Variants in PLPP7 observed in about 807,000 individuals in gnomAD.
PLPP7 encodes inactive phospholipid phosphatase 7.
Under a neutral mutation model 16.9 loss-of-function variants are expected in PLPP7, and 11 were observed. That is an observed-to-expected ratio of 0.65 (90% CI 0.41 to 1.08). PLPP7 has a LOEUF of 1.08. Ranked by LOEUF, PLPP7 falls within the 50% of genes least tolerant of loss-of-function variation. The pLI, the probability that PLPP7 is intolerant of heterozygous loss-of-function variation, is 0.00. For missense variants in PLPP7, 358 were observed against 397.1 expected (o/e 0.90, Z 0.84); for synonymous variants, 174 against 175.1 (o/e 0.99, Z 0.05).
At chr9:131,291,894 C>T (rs1470479629) in intron 1 of PLPP7, among the ~76,000 whole-genome samples, 1 of 152,182 alleles carries the variant, frequency 6.6e-6, no homozygotes, top group East Asian at 1.9e-4. Flanking sequence ...TTTTCTTGTT[C>T]TTATTACTAA....
chr9:131,291,516 A>G (rs1564245258), intron 1 of PLPP7: 1 of 625,326 alleles, frequency 1.6e-6, no homozygotes, highest in Non-Finnish European at 2.0e-6. Flanking sequence ...TACTTCATGC[A>G]GGAGATGGCT....
intron 1 of PLPP7, among the ~76,000 whole-genome samples, chr9:131,299,520 G>T (rs1835772962): frequency 6.6e-6 from 1 of 152,186 alleles, no homozygotes; most frequent in Non-Finnish European, 1.5e-5. Flanking sequence ...GGCCCTGCAG[G>T]GGCAGCAGGA....
At position 131,308,418 on chromosome 9, in the gene PLPP7, C is replaced by G; in HGVS notation, c.*131C>G. On this transcript the variant is annotated 3_prime_UTR_variant, in exon 2 of 2. Transcript: ENST00000372264. ...AGAGCGGCCACCCCCACCTCATCTT[C>G]CCCTCCTGGCTGGAGGCTGGCGAAC... is the stretch of plus-strand genomic sequence containing the variant. The G allele has an allele frequency of 7.2e-7, 1 of 1,388,906 alleles. No homozygotes were observed. Among genetic ancestry groups the G allele is most frequent in the Non-Finnish European group, 9.5e-7 (1 of 1,056,994 alleles). The allele number at this position is 1,388,906 out of a possible 1,614,324, so 86.0% of individuals were successfully genotyped here.
intron 1 of PLPP7, among the ~76,000 whole-genome samples, chr9:131,291,829 G>T (rs951287079): frequency 6.6e-6 from 1 of 152,110 alleles, no homozygotes; most frequent in Non-Finnish European, 1.5e-5. Context: ...TGATCCACCC[G>T]CCTTGGCCTC....
intron 1 of PLPP7, among the ~76,000 whole-genome samples, chr9:131,299,140 C>T (rs1180287629): frequency 6.6e-6 from 1 of 152,232 alleles, no homozygotes; most frequent in Non-Finnish European, 1.5e-5. Context: ...CGAGGTTTTG[C>T]TGTCCACAAG....
At chr9:131,291,032 G>A (rs1835669472) in intron 1 of PLPP7, 5 of 1,356,166 alleles carry the variant, frequency 3.7e-6, no homozygotes, top group Non-Finnish European at 4.0e-6. Context: ...CCTTCCCAGG[G>A]GGAGTCACTG....
intron 1 of PLPP7, among the ~76,000 whole-genome samples, chr9:131,299,494 C>T (rs567840): frequency 0.67 from 101,858 of 151,810 alleles, 35,025 homozygotes; most frequent in Middle Eastern, 0.78. Flanking sequence ...CCTGGCTGCG[C>T]TGGAGGAGGA....
Position 131,291,301 on chromosome 9 carries a change from A to ACATG in PLPP7, c.451+853_451+854insCATG, listed in dbSNP as rs1000846446. 3.3e-6 allele frequency: 4 copies of ACATG among 1,230,510 alleles called. No individual in the cohort carries two copies. In the African/African-American group the frequency reaches 6.2e-5, roughly 19 times the overall value. The allele number at this position is 1,230,510 out of a possible 1,614,324, so 76.2% of individuals were successfully genotyped here. A position where few individuals can be genotyped will look rare whatever the true frequency, so the allele number is the denominator to read the frequency against. ...TTTCCTTGTCTTTCCCGGTGTGGCC[A>ACATG]TCATTTGAGGGACATGTGAGGTGGA... On this transcript the variant is annotated intron_variant, in intron 1 of 1. Coordinates refer to ENST00000372264, the MANE Select transcript of PLPP7 (RefSeq NM_032728.4).
chr9:131,307,312 G>A (rs1835864299), intron 1 of PLPP7, among the ~76,000 whole-genome samples: 1 of 151,450 alleles, frequency 6.6e-6, no homozygotes, highest in South Asian at 2.1e-4. Context: ...AGCACAATGG[G>A]AGGCTGAGGC....
intron 1 of PLPP7, among the ~76,000 whole-genome samples, chr9:131,296,268 G>C (rs903514844): frequency 6.6e-6 from 1 of 152,032 alleles, no homozygotes; most frequent in African/African-American, 2.4e-5. Context: ...GGGGGTTTTA[G>C]TTTGTTTGTT....
intron 1 of PLPP7, among the ~76,000 whole-genome samples, chr9:131,303,613 C>G (rs1022245692): frequency 5.3e-5 from 8 of 152,110 alleles, no homozygotes; most frequent in African/African-American, 1.9e-4. Context: ...GTCATAACCC[C>G]CCACCTTTAT....
chr9:131,294,487 A>C (rs1011960569), intron 1 of PLPP7, among the ~76,000 whole-genome samples: 2 of 152,032 alleles, frequency 1.3e-5, no homozygotes, highest in African/African-American at 2.4e-5. Flanking sequence ...CTCCCTCCCG[A>C]GCAGCACCCA....
In PLPP7 at chr9:131,291,325, G is replaced by A. The variant is rs145169450; in HGVS notation, c.451+877G>A. 8.9e-5 allele frequency: 106 copies of A among 1,197,608 alleles called. 1 individual carries two copies. The East Asian group carries it at 5.0e-3, about 56-fold the overall frequency. The allele number at this position is 1,197,608 out of a possible 1,614,324, so 74.2% of individuals were successfully genotyped here. On this transcript the variant is annotated intron_variant, in intron 1 of 1. Coordinates refer to ENST00000372264, the MANE Select transcript of PLPP7 (RefSeq NM_032728.4). ...CATCATTTGAGGGACATGTGAGGTG[G>A]AGGTCTCAGGCAAGGCAAACATTAA...
chr9:131,300,726 G>A (rs896092837), intron 1 of PLPP7, among the ~76,000 whole-genome samples: 31 of 151,358 alleles, frequency 2.0e-4, no homozygotes, highest in Non-Finnish European at 4.3e-4. Context: ...GAAGGTGTGG[G>A]TCTAGCTTAG....
At chr9:131,298,767 T>C (rs1011562780) in intron 1 of PLPP7, among the ~76,000 whole-genome samples, 1 of 152,230 alleles carries the variant, frequency 6.6e-6, no homozygotes, top group African/African-American at 2.4e-5. Flanking sequence ...TCTGGGAGCC[T>C]CCAGCACTCT....
chr9:131,308,041 GGCCGGGCACGCCAGCCGC>G lies in PLPP7; in HGVS notation c.575_592del (p.Gly192_Ala197del). On this transcript the variant is annotated inframe_deletion, in exon 2 of 2. Coordinates refer to ENST00000372264, the MANE Select transcript of PLPP7 (RefSeq NM_032728.4). Reference sequence around the variant, plus strand: ...TCACCATGGACATCTACGCCTTCCCGGCCGGGCACGCCAGCCGCGCCGCCATGGTGTCCAAGTTCTTCC... The same window carrying G: ...TCACCATGGACATCTACGCCTTCCCGGCCGCCATGGTGTCCAAGTTCTTCC... 6.2e-7 allele frequency: 1 copy of G among 1,601,090 alleles called. No homozygotes were observed. Among genetic ancestry groups the G allele is most frequent in the Admixed American group, 1.7e-5 (1 of 60,010 alleles).
Position 131,290,309 on chromosome 9 carries a change from G to A in PLPP7, c.312G>A (p.Ala104=), listed in dbSNP as rs371251864. The change falls in exon 1 of 2, where the codon GCG becomes GCA. Residue 104 remains alanine (A), a synonymous_variant. Coordinates refer to ENST00000372264, the MANE Select transcript of PLPP7 (RefSeq NM_032728.4). The surrounding 1 kb of genome is among the most constrained non-coding windows in gnomAD (Gnocchi z 4.2). ...TGGGGGTGTGCGCTGGCCGGGCGGC[G>A]TCCTGGGCCAGTGCCCGCTCCATGG... The part of the protein sequence containing the change: ...KRLGVCAGRA[A]SWASARSMVK... 27 of 1,611,756 alleles carry A rather than the reference G, an allele frequency of 1.7e-5. No individual in the cohort carries two copies. Among genetic ancestry groups the A allele is most frequent in the African/African-American group, 6.7e-5 (5 of 74,912 alleles).
chr9:131,294,125 G>A (rs1426112317), intron 1 of PLPP7, among the ~76,000 whole-genome samples: 5 of 152,142 alleles, frequency 3.3e-5, no homozygotes, highest in East Asian at 3.8e-4. Context: ...CTCTCCTAGT[G>A]CACACTGTCA....
In PLPP7 at chr9:131,290,123, C is replaced by A; in HGVS notation, c.126C>A (p.Ala42=). The A allele has an allele frequency of 6.4e-7, 1 of 1,554,180 alleles. No homozygotes were observed. The highest frequency in any genetic ancestry group is 8.7e-7 in the Non-Finnish European group (1 of 1,148,456). The change falls in exon 1 of 2, where the codon GCC becomes GCA. Residue 42 remains alanine, a synonymous_variant. Coordinates refer to ENST00000372264, the MANE Select transcript of PLPP7 (RefSeq NM_032728.4). This position sits in a 1 kb window ranked among gnomAD's most constrained non-coding sequence, Gnocchi z 4.2. ...AGCCCCGCAGCTCGGGCAGAAAGGC[C>A]TCGGGCCCATCAGCACAGCCCCCAC... ...GPEPRSSGRK[A]SGPSAQPPPA... is the part of the protein sequence containing the mutation.
Sources: allele counts gnomAD v4.1 joint callset (sites outside exome capture counted in the v4.1 genomes callset), GRCh38; gene constraint gnomAD v4.1.1; non-coding constraint Gnocchi (gnomAD v3.1); transcripts MANE v1.5; gene names NCBI Gene and HGNC (gene_info 2026-07-23, HGNC 2026-07-21).